ABCG5: variants seen among roughly 807,000 people sequenced by gnomAD.
ABCG5 encodes the protein ATP-binding cassette sub-family G member 5.
ABCG5 carries 64 observed loss-of-function variants against 64.5 expected under a neutral mutation model. The ratio of observed to expected loss-of-function variants is 0.99; its 90% CI spans 0.81 to 1.22. ABCG5 has a LOEUF of 1.22. Ranked by LOEUF, ABCG5 falls within the 50% of genes most tolerant of loss-of-function variation. The probability of loss-of-function intolerance (pLI) is 0.00; values close to 1 mark genes in which losing one functional copy is unlikely to be tolerated. For missense variants in ABCG5, 908 were observed against 829.5 expected, an observed-to-expected ratio of 1.09 and a Z score of -1.16; for synonymous variants, 385 against 326.3, an observed-to-expected ratio of 1.18 and a Z score of -1.94.
chr2:43,810,299 A>T (rs1666438031), downstream of ABCG5: 1 of 930,926 alleles, frequency 1.1e-6, no homozygotes, highest in Admixed American at 6.2e-5. Flanking sequence ...GTGGTCTGGA[A>T]TGGGGCATTT....
At chr2:43,834,252 A>G (rs1668123601) in intron 2 of ABCG5, among the ~76,000 whole-genome samples, 1 of 152,146 alleles carries the variant, frequency 6.6e-6, no homozygotes, top group Non-Finnish European at 1.5e-5. Context: ...CTGGCTTTAC[A>G]TTTTTTGGAT....
chr2:43,826,094 G>T (rs1667581153), intron 6 of ABCG5, among the ~76,000 whole-genome samples: 1 of 151,946 alleles, frequency 6.6e-6, no homozygotes, highest in Admixed American at 6.6e-5. Flanking sequence ...TCTCACCTCA[G>T]CCTTCCAAGT....
chr2:43,817,879 C>T (rs1440646850), intron 11 of ABCG5, among the ~76,000 whole-genome samples: 2 of 152,076 alleles, frequency 1.3e-5, no homozygotes, highest in Non-Finnish European at 2.9e-5. Flanking sequence ...CACTGCATTC[C>T]AGCCTGGGTG....
rs778837844 is a variant in ABCG5, at chr2:43,824,892, A to G, written c.901T>C (p.Tyr301His). 2.5e-6 allele frequency: 4 copies of G among 1,614,038 alleles called. No homozygotes were observed. In the Admixed American group the frequency reaches 6.7e-5, roughly 27 times the overall value. ...GGAATGTGAAAGAAAAACTTACTAT[A>G]GAAGTCAAAAGGGTTTGAATGTTCA... ...CPEHSNPFDF[Y>H]MDLTSVDTQS... Residue 301 changes from tyrosine to histidine, a missense_variant, in exon 7 of 13, where the codon TAT becomes CAT. Tyr to His is a moderately conservative substitution (Grantham distance 83). Coordinates refer to ENST00000405322, the MANE Select transcript of ABCG5 (RefSeq NM_022436.3).
intron 12 of ABCG5, among the ~76,000 whole-genome samples, chr2:43,814,065 A>T (rs114063863): frequency 6.6e-6 from 1 of 151,998 alleles, no homozygotes; most frequent in East Asian, 1.9e-4. Context: ...TTCTACTTCC[A>T]TCTGGTGGGA....
At chr2:43,832,791 G>C (rs1668031373) in intron 2 of ABCG5, 1 of 153,404 alleles carries the variant, frequency 6.5e-6, no homozygotes, top group Non-Finnish European at 1.4e-5. Context: ...AGGTGACTGG[G>C]GGATGATGCT....
chr2:43,810,278 T>A (rs1042927312), downstream of ABCG5: 5 of 796,024 alleles, frequency 6.3e-6, no homozygotes, highest in Admixed American at 6.3e-5. Flanking sequence ...ACACCTAGAG[T>A]GTCGCCATCA....
intron 7 of ABCG5, 152 bp downstream of exon 7, chr2:43,824,737 C>G: frequency 6.9e-7 from 1 of 1,447,848 alleles, no homozygotes; most frequent in African/African-American, 1.4e-5. Flanking sequence ...CTGGCAAGTT[C>G]ATTGACCCGG....
chr2:43,822,421 C>G (rs947508887), intron 10 of ABCG5: 1 of 728,466 alleles, frequency 1.4e-6, no homozygotes, highest in Non-Finnish European at 1.7e-6. Context: ...TCTTCCCACC[C>G]TCTGAATGTG....
chr2:43,832,263 G>C, intron 2 of ABCG5, 180 bp from the exon 3 acceptor site: 1 of 779,462 alleles, frequency 1.3e-6, no homozygotes, highest in South Asian at 1.7e-5. Flanking sequence ...CGCACTGTGC[G>C]TGCAGCAGTC....
upstream of ABCG5, chr2:43,839,180 C>T: frequency 6.6e-7 from 1 of 1,518,022 alleles, no homozygotes; most frequent in South Asian, 1.2e-5. Flanking sequence ...AAACCTTTCT[C>T]TCTTCCCTCA....
downstream of ABCG5, among the ~76,000 whole-genome samples, chr2:43,811,518 CTG>C (rs1666479201): frequency 6.6e-6 from 1 of 152,104 alleles, no homozygotes. Context: ...CATAGTAACA[CTG>C]AGACAGTTTC....
chr2:43,836,625 C>T (rs1337131937), intron 2 of ABCG5, among the ~76,000 whole-genome samples: 1 of 152,144 alleles, frequency 6.6e-6, no homozygotes, highest in East Asian at 1.9e-4. Context: ...CAGGGACCCT[C>T]CCAGGGAATT....
intron 5 of ABCG5, among the ~76,000 whole-genome samples, chr2:43,827,299 T>A (rs1667673547): frequency 6.9e-6 from 1 of 144,884 alleles, no homozygotes; most frequent in Admixed American, 7.0e-5. Flanking sequence ...CACTCCAGCC[T>A]GGGCAACAAG....
At chr2:43,824,655 T>C in intron 7 of ABCG5, 1 of 984,986 alleles carries the variant, frequency 1.0e-6, no homozygotes, top group Non-Finnish European at 1.2e-6. Flanking sequence ...CAGCTAATTA[T>C]GCTCTGATAA....
At chr2:43,815,673 G>T (rs1251081489) in intron 11 of ABCG5, among the ~76,000 whole-genome samples, 1 of 152,120 alleles carries the variant, frequency 6.6e-6, no homozygotes, top group Non-Finnish European at 1.5e-5. Flanking sequence ...GTACAGGTAT[G>T]CCAAGGGCTG....
chr2:43,808,295 C>T (rs1342556383), downstream of ABCG5, among the ~76,000 whole-genome samples: 3 of 150,492 alleles, frequency 2.0e-5, no homozygotes, highest in African/African-American at 7.3e-5. Context: ...AAAAATTCTT[C>T]CTAAGTCTAT....
downstream of ABCG5, among the ~76,000 whole-genome samples, chr2:43,809,182 C>T (rs969455171): frequency 6.6e-6 from 1 of 152,038 alleles, no homozygotes; most frequent in Non-Finnish European, 1.5e-5. Flanking sequence ...TGTAGAGACA[C>T]GGTCTCCCTA....
rs1667087182 is a variant in ABCG5 at position 43,820,053 on chromosome 2, G to C, written c.1511C>G (p.Ala504Gly). ...PEVARFGYFS[A>G]ALLAPHLIGE... ...AATTAAGTGGGGGGCCAAGAGAGCA[G>C]CAGAAAAATATCCAAATCGGGCAAC... The change falls in exon 11 of 13, where the codon GCT (alanine) becomes GGT (glycine). Residue 504 changes from alanine to glycine, a missense_variant. By Grantham distance (60) the Ala-to-Gly change is moderately conservative. Transcript: ENST00000405322. 2 of 1,614,058 alleles carry C rather than the reference G, an allele frequency of 1.2e-6. No individual in the cohort carries two copies. The highest frequency in any genetic ancestry group is 1.7e-6 in the Non-Finnish European group (2 of 1,180,054).
Sources: gnomAD v4.1 joint callset for allele counts (sites outside exome capture counted in the v4.1 genomes callset) on GRCh38, gnomAD v4.1.1 for gene constraint, MANE v1.5 for transcripts, NCBI Gene and HGNC (gene_info 2026-07-23, HGNC 2026-07-21) for gene names.